Variants in KLHL29 observed in about 807,000 individuals in gnomAD.
The protein encoded by KLHL29 is kelch like family member 29.
KLHL29 carries 21 observed loss-of-function variants against 80.4 expected under a neutral mutation model. The observed-to-expected ratio is 0.26, with a 90% confidence interval of 0.19 to 0.38. The LOEUF is 0.38. Ranked by LOEUF, KLHL29 falls within the 10% of genes least tolerant of loss-of-function variation. The pLI is 1.00. For missense variants in KLHL29, 867 were observed against 1,223.9 expected (o/e 0.71, Z 4.35); for synonymous variants, 511 against 526.8 (o/e 0.97, Z 0.41).
intron 2 of KLHL29, among the ~76,000 whole-genome samples, chr2:23,545,210 G>A (rs1666951558): frequency 6.6e-6 from 1 of 152,202 alleles, no homozygotes; most frequent in South Asian, 2.1e-4. Flanking sequence ...AGGTCTGCAG[G>A]CCAGGGCTGG....
intron 2 of KLHL29, among the ~76,000 whole-genome samples, chr2:23,481,111 C>CT (rs1386562097): frequency 6.6e-6 from 1 of 152,212 alleles, no homozygotes; most frequent in Non-Finnish European, 1.5e-5. Flanking sequence ...CATACCCAGG[C>CT]TACATACCAG....
At chr2:23,658,829 C>G (rs570247688) in intron 5 of KLHL29, among the ~76,000 whole-genome samples, 1 of 152,178 alleles carries the variant, frequency 6.6e-6, no homozygotes, top group Non-Finnish European at 1.5e-5. Context: ...ATTGCTGGGC[C>G]GGTCAGAGGG....
chr2:23,544,053 C>T (rs1339503851), intron 2 of KLHL29, among the ~76,000 whole-genome samples: 1 of 152,192 alleles, frequency 6.6e-6, no homozygotes, highest in Admixed American at 6.5e-5. Context: ...CGCTTTAAGA[C>T]CCAGGGGAAT....
At chr2:23,658,457 C>T (rs959645900) in intron 5 of KLHL29, among the ~76,000 whole-genome samples, 3 of 152,204 alleles carry the variant, frequency 2.0e-5, no homozygotes, top group African/African-American at 7.2e-5. Context: ...CCCCACAAGG[C>T]TCACAGAAGC....
chr2:23,391,222 G>C (rs753286691), intron 1 of KLHL29, among the ~76,000 whole-genome samples: 1 of 152,204 alleles, frequency 6.6e-6, no homozygotes, highest in Non-Finnish European at 1.5e-5. Context: ...TGTGGCATGG[G>C]ACAGGCTTTC....
At chr2:23,447,553 AG>A (rs1232317897) in intron 1 of KLHL29, among the ~76,000 whole-genome samples, 1 of 152,234 alleles carries the variant, frequency 6.6e-6, no homozygotes, top group Non-Finnish European at 1.5e-5. Flanking sequence ...ATCACAAATC[AG>A]TCTGCTGCAT....
intron 3 of KLHL29, among the ~76,000 whole-genome samples, chr2:23,585,986 T>C (rs1668108544): frequency 6.6e-6 from 1 of 152,120 alleles, no homozygotes; most frequent in Non-Finnish European, 1.5e-5. Flanking sequence ...GATGGGCTTT[T>C]TTCATTCCCA....
At chr2:23,524,029 T>C (rs1337182695) in intron 2 of KLHL29, 1 of 471,592 alleles carries the variant, frequency 2.1e-6, no homozygotes. Flanking sequence ...GTGAATGAGT[T>C]TTTTTTACCA....
intron 2 of KLHL29, among the ~76,000 whole-genome samples, chr2:23,502,854 G>A (rs1665493506): frequency 6.6e-6 from 1 of 152,190 alleles, no homozygotes; most frequent in Admixed American, 6.5e-5. Flanking sequence ...CTGCAGTGTG[G>A]TCCAAGCCCC....
intron 1 of KLHL29, among the ~76,000 whole-genome samples, chr2:23,459,397 C>T (rs1411774223): frequency 3.3e-5 from 5 of 151,974 alleles, no homozygotes; most frequent in Non-Finnish European, 7.4e-5. Context: ...GTGATTGAAG[C>T]CTTGAGCATG....
intron 1 of KLHL29, among the ~76,000 whole-genome samples, chr2:23,408,400 A>G (rs1666785066): frequency 6.7e-6 from 1 of 149,426 alleles, no homozygotes; most frequent in Non-Finnish European, 1.5e-5. Context: ...GAGTCTTCTC[A>G]TTCAGGAATG....
intron 1 of KLHL29, among the ~76,000 whole-genome samples, chr2:23,444,377 T>A (rs1572517539): frequency 6.6e-6 from 1 of 152,282 alleles, no homozygotes; most frequent in Middle Eastern, 3.4e-3. Flanking sequence ...AGGCCTGGAG[T>A]GCAATGGCAA....
chr2:23,503,066 T>C lies in KLHL29; in HGVS notation c.-46+27399T>C, dbSNP rs1035599603. ...TACATCAGGAAAAATAACCTGAGAA[T>C]AGATGTGTTTTGTTTGAATGTCGTA... On this transcript the variant is annotated intron_variant, in intron 2 of 13. Coordinates refer to ENST00000486442, the MANE Select transcript of KLHL29 (RefSeq NM_052920.2). The surrounding 1 kb of genome is among the most constrained non-coding windows in gnomAD (Gnocchi z 4.0). 1.3e-5 allele frequency among the ~76,000 whole-genome samples: 2 copies of C among 152,208 alleles called. No homozygotes were observed. The highest frequency in any genetic ancestry group is 1.3e-4 in the Admixed American group (2 of 15,286).
chr2:23,575,712 A>G (rs998250941), intron 3 of KLHL29, among the ~76,000 whole-genome samples: 1 of 152,204 alleles, frequency 6.6e-6, no homozygotes, highest in African/African-American at 2.4e-5. Context: ...TCAGGGCAGA[A>G]ACAGCCCCTG....
At chr2:23,475,119 G>A (rs1664595484) in intron 1 of KLHL29, among the ~76,000 whole-genome samples, 1 of 151,980 alleles carries the variant, frequency 6.6e-6, no homozygotes, top group Admixed American at 6.6e-5. Context: ...TAGAGTTTGT[G>A]TCCTTTTCAG....
intron 3 of KLHL29, among the ~76,000 whole-genome samples, chr2:23,563,436 C>T (rs962637568): frequency 6.6e-6 from 1 of 152,234 alleles, no homozygotes; most frequent in African/African-American, 2.4e-5. Flanking sequence ...AGCTGCCTCC[C>T]AGGAGCCCCC....
intron 2 of KLHL29, among the ~76,000 whole-genome samples, chr2:23,550,757 A>G (rs1339220437): frequency 6.6e-6 from 1 of 152,038 alleles, no homozygotes; most frequent in African/African-American, 2.4e-5. Context: ...CTTCTTTGCA[A>G]CTCTTGCCAC....
chr2:23,552,374 C>T (rs948741912), intron 2 of KLHL29, among the ~76,000 whole-genome samples: 1 of 152,174 alleles, frequency 6.6e-6, no homozygotes, highest in African/African-American at 2.4e-5. Context: ...CATTAAATAT[C>T]TGCAGCTTTT....
At chr2:23,575,332 C>T (rs1356753260) in intron 3 of KLHL29, among the ~76,000 whole-genome samples, 1 of 152,208 alleles carries the variant, frequency 6.6e-6, no homozygotes, top group Non-Finnish European at 1.5e-5. Context: ...GAGCCCAGCT[C>T]TGGGCTAGAA....
Sources: gnomAD v4.1 joint callset for allele counts (sites outside exome capture counted in the v4.1 genomes callset) on GRCh38, gnomAD v4.1.1 for gene constraint, Gnocchi (gnomAD v3.1) non-coding constraint, MANE v1.5 for transcripts, NCBI Gene and HGNC (gene_info 2026-07-23, HGNC 2026-07-21) for gene names.